TRANK1: variants seen among roughly 807,000 people sequenced by gnomAD.
TRANK1 encodes the protein TPR and ankyrin repeat-containing protein 1.
A neutral mutation model predicts 266.0 loss-of-function variants in TRANK1; 198 were observed. The observed-to-expected ratio is 0.74, with a 90% CI of 0.66 to 0.84. The LOEUF (loss-of-function observed/expected upper bound fraction) is 0.84, where lower values mean the gene tolerates loss of function less well. Among genes scored for constraint, TRANK1 ranks in the 40% least tolerant of loss-of-function variants. The pLI, the probability that TRANK1 is intolerant of heterozygous loss-of-function variation, is 0.00. For missense variants in TRANK1, 3,326 were observed against 3,634.6 expected, an observed-to-expected ratio of 0.92 and a Z score of 2.18; for synonymous variants, 1,396 against 1,384.1, an observed-to-expected ratio of 1.01 and a Z score of -0.19.
At chr3:36,936,105 G>A (rs974575723) in intron 1 of TRANK1, among the ~76,000 whole-genome samples, 4 of 152,126 alleles carry the variant, frequency 2.6e-5, no homozygotes, top group East Asian at 3.9e-4. Flanking sequence ...CTGGAGATTC[G>A]AAAATGCTAA....
intron 1 of TRANK1, among the ~76,000 whole-genome samples, chr3:36,918,639 G>GAAAGAAAGAA (rs373479495): frequency 3.2e-4 from 41 of 129,918 alleles, no homozygotes; most frequent in African/African-American, 1.2e-3. Context: ...AAGAAAGAAA[G>GAAAGAAAGAA]AGAAAGAAAG....
In TRANK1 at chr3:36,895,703, A is replaced by G. The variant is rs1012908191; in HGVS notation, c.489T>C (p.Thr163=). The change falls in exon 5 of 24, where the codon ACT becomes ACC. Residue 163 remains threonine, a synonymous_variant. Transcript: ENST00000645898. ...ATTGCCACACTTCTGTTGGGAATCC[A>G]GTTGTGAAAATATGATCAAAGCAAG... The part of the protein sequence containing the change: ...FLPCFDHIFT[T]GFPTEVWQSV... 3 of 1,536,750 alleles carry G rather than the reference A, an allele frequency of 2.0e-6. No individual in the cohort carries two copies. The African/African-American group carries it at 4.1e-5, about 21-fold the overall frequency.
chr3:36,893,853 C>G (rs1376211055), intron 5 of TRANK1, among the ~76,000 whole-genome samples: 1 of 151,966 alleles, frequency 6.6e-6, no homozygotes, highest in Non-Finnish European at 1.5e-5. Flanking sequence ...ATGGCCACAT[C>G]TCACTTCTAG....
chr3:36,892,864 TATATATAG>T (rs1339649767), intron 6 of TRANK1, 29 bp downstream of exon 6: 46 of 630,496 alleles, frequency 7.3e-5, no homozygotes, highest in Admixed American at 1.4e-4. Context: ...TATATATATA[TATATATAG>T]ATATATATAG....
Position 36,872,544 on chromosome 3 carries a change from C to T in TRANK1, c.1078+1582G>A, listed in dbSNP as rs2079324246. Among the ~76,000 whole-genome samples, 3 of 152,000 alleles carry T rather than the reference C, an allele frequency of 2.0e-5. No homozygotes were observed. The South Asian group carries it at 6.2e-4, about 32-fold the overall frequency. Reference sequence around the variant, plus strand: ...GTGGCAAATATAAAACATGAATAAGCTGCTATAGATAAGAAACAATCAAAA... The same window carrying T: ...GTGGCAAATATAAAACATGAATAAGTTGCTATAGATAAGAAACAATCAAAA... On this transcript the variant is annotated intron_variant, in intron 9 of 23. Transcript: ENST00000645898.
chr3:36,835,280 C>T (rs923043876), intron 20 of TRANK1, among the ~76,000 whole-genome samples: 1 of 128,680 alleles, frequency 7.8e-6, no homozygotes. Flanking sequence ...GATCCCGCCA[C>T]TGCACTCCAG....
intron 9 of TRANK1, among the ~76,000 whole-genome samples, chr3:36,872,618 A>G (rs543377548): frequency 1.3e-5 from 2 of 152,220 alleles, no homozygotes; most frequent in African/African-American, 2.4e-5. Flanking sequence ...AAATGCAGCA[A>G]TGGACAAGAT....
chr3:36,885,145 T>C (rs977517920), intron 8 of TRANK1, among the ~76,000 whole-genome samples: 3 of 152,086 alleles, frequency 2.0e-5, no homozygotes, highest in Non-Finnish European at 2.9e-5. Flanking sequence ...GAAAAGATAG[T>C]AATTTTACAG....
intron 1 of TRANK1, chr3:36,929,190 G>T (rs1221689208): frequency 6.7e-6 from 1 of 150,052 alleles, no homozygotes; most frequent in Non-Finnish European, 1.5e-5. Flanking sequence ...CATTGCCCAG[G>T]TTGGAGAGCA....
intron 13 of TRANK1, among the ~76,000 whole-genome samples, chr3:36,854,816 G>A (rs1432012542): frequency 6.7e-6 from 1 of 150,016 alleles, no homozygotes; most frequent in East Asian, 2.0e-4. Context: ...AAGGATTAAT[G>A]ACTTGTAACT....
chr3:36,839,226 G>T (rs770087465), intron 18 of TRANK1, among the ~76,000 whole-genome samples: 10 of 152,202 alleles, frequency 6.6e-5, no homozygotes, highest in Non-Finnish European at 1.5e-4. Flanking sequence ...GATCCCTGGG[G>T]CATGCAGATC....
At chr3:36,907,588 C>T (rs1262057285) in intron 2 of TRANK1, among the ~76,000 whole-genome samples, 9 of 151,496 alleles carry the variant, frequency 5.9e-5, no homozygotes, top group Admixed American at 4.6e-4. Context: ...CCTCACCCTC[C>T]GGAGTAGCTG....
At chr3:36,930,884 A>G (rs1337818477) in intron 1 of TRANK1, among the ~76,000 whole-genome samples, 1 of 152,242 alleles carries the variant, frequency 6.6e-6, no homozygotes, top group Non-Finnish European at 1.5e-5. Flanking sequence ...TATGTTTGTT[A>G]AAACTCACTG....
Position 36,899,261 on chromosome 3 carries a change from T to C in TRANK1, c.283-2A>G. The C allele has an allele frequency of 6.5e-7, 1 of 1,536,586 alleles. No homozygotes were observed. The highest frequency in any genetic ancestry group is 8.7e-7 in the Non-Finnish European group (1 of 1,146,700). ...GGAATAACCAGCTCGGTAGTATCCCTGGAACAGGATAAAAAGCAAAACTGT... is the reference window on the plus strand; with the variant it reads ...GGAATAACCAGCTCGGTAGTATCCCCGGAACAGGATAAAAAGCAAAACTGT... On this transcript the variant is annotated splice_acceptor_variant, in intron 3 of 23. Coordinates refer to ENST00000645898, the MANE Select transcript of TRANK1 (RefSeq NM_001329998.2). LOFTEE classifies it high-confidence loss of function.
chr3:36,876,164 T>C (rs1202938546), intron 8 of TRANK1, among the ~76,000 whole-genome samples: 1 of 152,218 alleles, frequency 6.6e-6, no homozygotes, highest in East Asian at 1.9e-4. Flanking sequence ...AGTTTTCCTT[T>C]GAGACAGCAC....
chr3:36,872,715 A>G (rs1350637485), intron 9 of TRANK1, among the ~76,000 whole-genome samples: 1 of 152,216 alleles, frequency 6.6e-6, no homozygotes, highest in Admixed American at 6.5e-5. Context: ...GTACAGAGAC[A>G]TATATTATAA....
intron 4 of TRANK1, among the ~76,000 whole-genome samples, chr3:36,898,632 A>T (rs2079828990): frequency 6.6e-6 from 1 of 152,110 alleles, no homozygotes; most frequent in East Asian, 1.9e-4. Context: ...CGGGCGGATC[A>T]CGAGGTCAAG....
intron 2 of TRANK1, among the ~76,000 whole-genome samples, chr3:36,907,296 G>T (rs1233950978): frequency 6.6e-6 from 1 of 151,692 alleles, no homozygotes; most frequent in African/African-American, 2.4e-5. Flanking sequence ...GATTACAGGC[G>T]TGCGCCACTA....
chr3:36,851,779 A>AT lies in TRANK1; in HGVS notation c.4826dup (p.Tyr1609Ter). ...CATCAAATTCTAAGCCTTTTGCTTC[A>AT]TAAATTGTTAGCACAAGTGCTAACC... ...ELGLALVLTI[Y>*]EAKGLEFDDV... The change falls in exon 15 of 24, where the codon TAT becomes TAAT. Residue 1609 changes from tyrosine (Y) to a stop codon, truncating the protein, a stop_gained and frameshift_variant. Coordinates refer to ENST00000645898, the MANE Select transcript of TRANK1 (RefSeq NM_001329998.2). LOFTEE classifies it high-confidence loss of function. The AT allele has an allele frequency of 6.2e-7, 1 of 1,613,042 alleles. No homozygotes were observed. The highest frequency in any genetic ancestry group is 8.5e-7 in the Non-Finnish European group (1 of 1,179,484).
Sources: allele counts gnomAD v4.1 joint callset (sites outside exome capture counted in the v4.1 genomes callset), GRCh38; gene constraint gnomAD v4.1.1; transcripts MANE v1.5; gene names NCBI Gene and HGNC (gene_info 2026-07-23, HGNC 2026-07-21).